HECW1: variants seen among roughly 807,000 people sequenced by gnomAD.
HECW1 encodes E3 ubiquitin-protein ligase HECW1.
Under a neutral mutation model 182.3 loss-of-function variants are expected in HECW1, and 61 were observed. The ratio of observed to expected loss-of-function variants is 0.33; its 90% CI spans 0.27 to 0.41. The LOEUF is 0.41. Ranked by LOEUF, HECW1 falls within the 10% of genes least tolerant of loss-of-function variation. The probability of loss-of-function intolerance (pLI) is 1.00; values close to 1 mark genes in which losing one functional copy is unlikely to be tolerated. For synonymous variants in HECW1, 859 were observed against 832.6 expected, an observed-to-expected ratio of 1.03 and a Z score of -0.55; for missense variants, 1,739 against 2,108.9, an observed-to-expected ratio of 0.82 and a Z score of 3.44.
At position 43,361,087 on chromosome 7, in the gene HECW1, T is replaced by C. The variant is rs886983483; in HGVS notation, c.555+107T>C. 2.8e-5 allele frequency: 17 copies of C among 610,822 alleles called. No individual in the cohort carries two copies. In the African/African-American group the frequency reaches 3.1e-4, roughly 11 times the overall value. The allele number at this position is 610,822 out of a possible 1,614,324, so 37.8% of individuals were successfully genotyped here. Reference sequence around the variant, plus strand: ...GTGTGTGTGTGTGTGTGTGTGTGTGTGTACGTGTACATACACACATATGGA... The same window carrying C: ...GTGTGTGTGTGTGTGTGTGTGTGTGCGTACGTGTACATACACACATATGGA... On this transcript the variant is annotated intron_variant, in intron 6 of 29. Transcript: ENST00000395891.
intron 2 of HECW1, among the ~76,000 whole-genome samples, chr7:43,165,440 G>T (rs985671133): frequency 6.6e-6 from 1 of 151,934 alleles, no homozygotes; most frequent in Non-Finnish European, 1.5e-5. Flanking sequence ...ATGTGTGTGT[G>T]TTTGAATACA....
chr7:43,131,994 G>A (rs765302841), intron 2 of HECW1, among the ~76,000 whole-genome samples: 1 of 152,178 alleles, frequency 6.6e-6, no homozygotes, highest in Non-Finnish European at 1.5e-5. Context: ...GGCATCGAGT[G>A]GGGAAAATAC....
At chr7:43,148,580 C>T (rs1381975517) in intron 2 of HECW1, 3 of 151,794 alleles carry the variant, frequency 2.0e-5, no homozygotes, top group African/African-American at 7.3e-5. Flanking sequence ...GCTAGGTAAA[C>T]AGTGTTGGAT....
intron 17 of HECW1, among the ~76,000 whole-genome samples, chr7:43,481,220 C>T (rs563158430): frequency 6.6e-6 from 1 of 152,262 alleles, no homozygotes; most frequent in South Asian, 2.1e-4. Context: ...GCGTAGTCTC[C>T]CTCCCTGGTG....
At chr7:43,332,638 G>A (rs17653845) in intron 5 of HECW1, among the ~76,000 whole-genome samples, 16,661 of 152,218 alleles carry the variant, frequency 0.11, 1,079 homozygotes, top group Middle Eastern at 0.3. Context: ...TGGGAGCAAA[G>A]GCGGCTGCGG....
intron 2 of HECW1, among the ~76,000 whole-genome samples, chr7:43,204,253 C>A (rs997088509): frequency 6.6e-6 from 1 of 152,124 alleles, no homozygotes; most frequent in African/African-American, 2.4e-5. Context: ...AACTGAAGAC[C>A]ATTTTGCATG....
chr7:43,291,435 T>A (rs1805387499), intron 3 of HECW1, among the ~76,000 whole-genome samples: 1 of 152,218 alleles, frequency 6.6e-6, no homozygotes, highest in Non-Finnish European at 1.5e-5. Flanking sequence ...GGAAGGGACA[T>A]AGGCTGCAAG....
intron 13 of HECW1, among the ~76,000 whole-genome samples, chr7:43,458,520 A>C (rs2077476916): frequency 6.6e-6 from 1 of 152,256 alleles, no homozygotes; most frequent in Admixed American, 6.5e-5. Flanking sequence ...GACCTTGCTG[A>C]ATAGGAAGTT....
At chr7:43,338,714 C>A (rs1048837227) in intron 5 of HECW1, among the ~76,000 whole-genome samples, 1 of 152,076 alleles carries the variant, frequency 6.6e-6, no homozygotes, top group Non-Finnish European at 1.5e-5. Flanking sequence ...AACTCTTTCA[C>A]GTAAACAGCG....
intron 8 of HECW1, among the ~76,000 whole-genome samples, chr7:43,420,801 C>T (rs1489160666): frequency 6.6e-6 from 1 of 151,996 alleles, no homozygotes; most frequent in African/African-American, 2.4e-5. Flanking sequence ...TTTAAAACAG[C>T]CTAGATGAAA....
intron 2 of HECW1, among the ~76,000 whole-genome samples, chr7:43,146,831 AT>A (rs1788771807): frequency 6.6e-6 from 1 of 152,236 alleles, no homozygotes; most frequent in Non-Finnish European, 1.5e-5. Context: ...CAGACAGCTC[AT>A]GGCCCATTAG....
At chr7:43,382,249 G>A (rs2074585064) in intron 6 of HECW1, among the ~76,000 whole-genome samples, 1 of 151,560 alleles carries the variant, frequency 6.6e-6, no homozygotes, top group Non-Finnish European at 1.5e-5. Context: ...TCGCGCCACT[G>A]CACTCCAGCC....
At chr7:43,411,031 C>T (rs1241890380) in intron 8 of HECW1, among the ~76,000 whole-genome samples, 2 of 139,858 alleles carry the variant, frequency 1.4e-5, no homozygotes, top group Non-Finnish European at 3.1e-5. Flanking sequence ...TATTTATCTC[C>T]TTTATTGCCT....
At chr7:43,360,846 A>G (rs781620445) in intron 5 of HECW1, 40 bp from the exon 6 acceptor site, 1 of 1,460,800 alleles carries the variant, frequency 6.8e-7, no homozygotes, top group South Asian at 1.1e-5. Context: ...TCCCTGGGTT[A>G]CACCCTACTT....
At chr7:43,121,566 A>G (rs1785617633) in intron 2 of HECW1, among the ~76,000 whole-genome samples, 1 of 152,102 alleles carries the variant, frequency 6.6e-6, no homozygotes, top group African/African-American at 2.4e-5. Flanking sequence ...TAAAATCACT[A>G]TATTATACAT....
chr7:43,125,826 G>A (rs1786171468), intron 2 of HECW1, among the ~76,000 whole-genome samples: 2 of 150,974 alleles, frequency 1.3e-5, no homozygotes, highest in Admixed American at 1.3e-4. Flanking sequence ...GAGCCAAGCG[G>A]CCTTTTGTAA....
At chr7:43,504,325 C>T (rs921654494) in intron 21 of HECW1, among the ~76,000 whole-genome samples, 1 of 151,960 alleles carries the variant, frequency 6.6e-6, no homozygotes, top group Admixed American at 6.5e-5. Context: ...TAATTCAAAC[C>T]TCCTCTTCTC....
At chr7:43,355,294 T>G (rs954351288) in intron 5 of HECW1, among the ~76,000 whole-genome samples, 1 of 152,190 alleles carries the variant, frequency 6.6e-6, no homozygotes, top group African/African-American at 2.4e-5. Context: ...ACTCTAATAC[T>G]GTAATTGTGG....
chr7:43,431,430 C>T (rs547600791), intron 8 of HECW1, among the ~76,000 whole-genome samples: 244 of 152,288 alleles, frequency 1.6e-3, no homozygotes, highest in African/African-American at 5.4e-3. Flanking sequence ...CTCTTCCTCT[C>T]CCACATTCCA....
Sources: allele counts gnomAD v4.1 joint callset (sites outside exome capture counted in the v4.1 genomes callset), GRCh38; gene constraint gnomAD v4.1.1; transcripts MANE v1.5; gene names NCBI Gene and HGNC (gene_info 2026-07-23, HGNC 2026-07-21).